Variants in ANO2 observed in about 807,000 individuals in gnomAD.
The protein encoded by ANO2 is anoctamin 2, also known as anoctamin-2.
In ANO2, 101 loss-of-function variants were observed where a neutral mutation model predicts 124.2. The observed-to-expected ratio is 0.81, with a 90% CI of 0.69 to 0.96. The LOEUF (loss-of-function observed/expected upper bound fraction) is 0.96, where lower values mean the gene tolerates loss of function less well. Ranked by LOEUF, ANO2 falls within the 40% of genes least tolerant of loss-of-function variation. ANO2 has a pLI of 0.00. For synonymous variants in ANO2, 486 were observed against 482.5 expected, an observed-to-expected ratio of 1.01 and a Z score of -0.09; for missense variants, 1,293 against 1,274.5, an observed-to-expected ratio of 1.01 and a Z score of -0.22.
chr12:5,700,928 C>T (rs577416755), intron 14 of ANO2, among the ~76,000 whole-genome samples: 1 of 152,174 alleles, frequency 6.6e-6, no homozygotes, highest in African/African-American at 2.4e-5. Context: ...ATCTTTGCTC[C>T]TCGTTTTTCT....
intron 20 of ANO2, among the ~76,000 whole-genome samples, chr12:5,590,400 T>A (rs1272525425): frequency 2.0e-5 from 3 of 152,128 alleles, no homozygotes; most frequent in Non-Finnish European, 4.4e-5. Context: ...GAATGAGCAG[T>A]GATGTTAGAT....
At chr12:5,735,550 G>C (rs959979171) in intron 13 of ANO2, among the ~76,000 whole-genome samples, 1 of 152,162 alleles carries the variant, frequency 6.6e-6, no homozygotes. Flanking sequence ...GAGTAAACCA[G>C]CACACGAATG....
chr12:5,810,997 G>T (rs1430736100), intron 7 of ANO2, among the ~76,000 whole-genome samples: 1 of 152,188 alleles, frequency 6.6e-6, no homozygotes, highest in Non-Finnish European at 1.5e-5. Flanking sequence ...GACATATCTG[G>T]TTTCCTGGAC....
In ANO2 at chr12:5,760,056, C is replaced by T. The variant is rs753420464; in HGVS notation, c.1056-9086G>A. Among the ~76,000 whole-genome samples, 119 of 152,216 alleles carry T rather than the reference C, an allele frequency of 7.8e-4. 2 individuals carry two copies. The Middle Eastern group carries it at 0.024, about 30-fold the overall frequency. On this transcript the variant is annotated intron_variant, in intron 10 of 24. Transcript: ENST00000682330. ...AATTCCTTTAAAAGGCAATTCACTA[C>T]TTAAAGTATGCTTTCTCAATCACCA... is the stretch of plus-strand genomic sequence containing the variant.
Position 5,624,266 on chromosome 12 carries a change from G to GACAGACAGACAGACAGAGAGAAAGAA in ANO2, c.1817-8970_1817-8969insTTCTTTCTCTCTGTCTGTCTGTCTGT, listed in dbSNP as rs1555106347. ...GGAGAGAGAGAGAGAGAGAGAAACAGACAGACAGACAGACAGAGAGACAGA... is the reference window on the plus strand; with the variant it reads ...GGAGAGAGAGAGAGAGAGAGAAACAGACAGACAGACAGACAGAGAGAAAGAAACAGACAGACAGACAGAGAGACAGA... On this transcript the variant is annotated intron_variant, in intron 16 of 24. Coordinates refer to ENST00000682330, the MANE Select transcript of ANO2 (RefSeq NM_001364791.2). Among the ~76,000 whole-genome samples the GACAGACAGACAGACAGAGAGAAAGAA allele has an allele frequency of 5.4e-3, 812 of 150,998 alleles. 12 individuals carry two copies. The highest frequency in any genetic ancestry group is 0.017 in the African/African-American group (699 of 40,472).
chr12:5,641,434 C>T (rs1023268057), intron 15 of ANO2, among the ~76,000 whole-genome samples: 9 of 151,490 alleles, frequency 5.9e-5, no homozygotes, highest in Non-Finnish European at 1.3e-4. Context: ...GAAAAAGAAA[C>T]GGGGACAAGT....
At chr12:5,757,942 C>T (rs955107654) in intron 10 of ANO2, among the ~76,000 whole-genome samples, 6 of 152,096 alleles carry the variant, frequency 3.9e-5, no homozygotes, top group Non-Finnish European at 8.8e-5. Flanking sequence ...GCAGTTTGCC[C>T]TTATGCACAA....
At chr12:5,772,903 G>A (rs1591599826) in intron 10 of ANO2, among the ~76,000 whole-genome samples, 1 of 152,254 alleles carries the variant, frequency 6.6e-6, no homozygotes, top group South Asian at 2.1e-4. Context: ...GTCAAGAAGG[G>A]GGTTTGTGTG....
At chr12:5,725,253 A>C (rs2137057581) in intron 14 of ANO2, among the ~76,000 whole-genome samples, 1 of 152,160 alleles carries the variant, frequency 6.6e-6, no homozygotes, top group Non-Finnish European at 1.5e-5. Flanking sequence ...CAGTTCAGGG[A>C]TGGTCTGAAA....
intron 14 of ANO2, among the ~76,000 whole-genome samples, chr12:5,697,658 T>C (rs982135420): frequency 2.0e-5 from 3 of 152,072 alleles, no homozygotes; most frequent in African/African-American, 4.8e-5. Flanking sequence ...GGGCGAGGCA[T>C]CCCCTCACCC....
intron 3 of ANO2, among the ~76,000 whole-genome samples, chr12:5,863,789 CTTTT>C (rs1358145734): frequency 6.6e-6 from 1 of 151,930 alleles, no homozygotes; most frequent in East Asian, 1.9e-4. Context: ...CTTCTTGTAA[CTTTT>C]TTTGTTTTAA....
chr12:5,912,160 C>A (rs1051548021), intron 3 of ANO2, among the ~76,000 whole-genome samples: 1 of 152,162 alleles, frequency 6.6e-6, no homozygotes, highest in Non-Finnish European at 1.5e-5. Flanking sequence ...AGAGCCACAC[C>A]CAGCTCCCTT....
At chr12:5,758,602 G>T (rs996788466) in intron 10 of ANO2, among the ~76,000 whole-genome samples, 3 of 152,182 alleles carry the variant, frequency 2.0e-5, no homozygotes, top group Admixed American at 6.5e-5. Context: ...GACCAATTCA[G>T]CACTCCAGGG....
rs1465696864 is a variant in ANO2 at position 5,769,705 on chromosome 12, A to G, written c.1056-18735T>C. On this transcript the variant is annotated intron_variant, in intron 10 of 24. Transcript: ENST00000682330. This position sits in a 1 kb window ranked among gnomAD's most constrained non-coding sequence, Gnocchi z 4.0. ...GGAGAGGAAGATCTCAGAGTAAAATAAAATCGCTCCATTTCTGCGTGCACC... is the reference window on the plus strand; with the variant it reads ...GGAGAGGAAGATCTCAGAGTAAAATGAAATCGCTCCATTTCTGCGTGCACC... 6.6e-6 allele frequency among the ~76,000 whole-genome samples: 1 copy of G among 152,186 alleles called. No homozygotes were observed. The highest frequency in any genetic ancestry group is 1.5e-5 in the Non-Finnish European group (1 of 68,038).
chr12:5,782,911 C>T (rs1952442561), intron 10 of ANO2, among the ~76,000 whole-genome samples: 1 of 152,192 alleles, frequency 6.6e-6, no homozygotes. Context: ...AGAAATCTTC[C>T]TTGAGATCAC....
intron 14 of ANO2, among the ~76,000 whole-genome samples, chr12:5,714,152 C>T (rs1228666497): frequency 6.6e-6 from 1 of 152,170 alleles, no homozygotes; most frequent in Non-Finnish European, 1.5e-5. Flanking sequence ...GCCACTCTAC[C>T]GGATCACTCC....
intron 7 of ANO2, among the ~76,000 whole-genome samples, chr12:5,824,070 T>C (rs1008879266): frequency 6.6e-6 from 1 of 152,272 alleles, no homozygotes; most frequent in Admixed American, 6.5e-5. Flanking sequence ...GCCCAGCCCA[T>C]GAAACCATTT....
intron 15 of ANO2, among the ~76,000 whole-genome samples, chr12:5,641,782 TG>T (rs1946404875): frequency 6.6e-6 from 1 of 152,194 alleles, no homozygotes; most frequent in South Asian, 2.1e-4. Flanking sequence ...TGGAGTTGGG[TG>T]GGGCTGGGAA....
intron 13 of ANO2, among the ~76,000 whole-genome samples, chr12:5,736,593 T>G (rs1950874517): frequency 6.6e-6 from 1 of 152,198 alleles, no homozygotes; most frequent in Non-Finnish European, 1.5e-5. Context: ...CTCCTCGTTT[T>G]GAATGTGGGT....
Sources: gnomAD v4.1 joint callset for allele counts (sites outside exome capture counted in the v4.1 genomes callset) on GRCh38, gnomAD v4.1.1 for gene constraint, Gnocchi (gnomAD v3.1) non-coding constraint, MANE v1.5 for transcripts, NCBI Gene and HGNC (gene_info 2026-07-23, HGNC 2026-07-21) for gene names.